The following SEMA6D variants were observed in gnomAD, a reference collection of about 807,000 sequenced individuals.
SEMA6D encodes the protein semaphorin 6D, also known as semaphorin-6D.
Under a neutral mutation model 106.6 loss-of-function variants are expected in SEMA6D, and 35 were observed. That is an observed-to-expected ratio of 0.33 (90% CI 0.25 to 0.44). SEMA6D has a LOEUF of 0.44. SEMA6D is among the 20% of genes least tolerant of loss of function. The pLI is 1.00. For missense variants in SEMA6D, 1,185 were observed against 1,345.9 expected (o/e 0.88, Z 1.87); for synonymous variants, 499 against 487.7 (o/e 1.02, Z -0.31).
intron 4 of SEMA6D, among the ~76,000 whole-genome samples, chr15:47,659,702 A>G (rs943451243): frequency 3.3e-5 from 5 of 152,086 alleles, no homozygotes; most frequent in Non-Finnish European, 7.4e-5. Context: ...TCCTTTACAT[A>G]TACAAAGTTC....
intron 1 of SEMA6D, among the ~76,000 whole-genome samples, chr15:47,729,381 T>C (rs1422824887): frequency 6.7e-6 from 1 of 150,166 alleles, no homozygotes; most frequent in Non-Finnish European, 1.5e-5. Flanking sequence ...CAGGGATCCC[T>C]GAATCCATTT....
At chr15:47,524,786 G>C (rs1375341224) in intron 3 of SEMA6D, among the ~76,000 whole-genome samples, 1 of 152,166 alleles carries the variant, frequency 6.6e-6, no homozygotes, top group Non-Finnish European at 1.5e-5. Context: ...GAAGTACATT[G>C]CTTAATAATT....
intron 2 of SEMA6D, among the ~76,000 whole-genome samples, chr15:47,440,666 C>G (rs531124556): frequency 5.3e-5 from 8 of 151,380 alleles, no homozygotes; most frequent in African/African-American, 1.9e-4. Context: ...AAAAAAAAGA[C>G]GGGTGTTGAA....
chr15:47,475,843 C>G (rs1024739105), intron 3 of SEMA6D, among the ~76,000 whole-genome samples: 2 of 152,180 alleles, frequency 1.3e-5, no homozygotes, highest in African/African-American at 4.8e-5. Context: ...CAATTTCCCC[C>G]CTTTCTAACA....
chr15:47,316,747 C>T (rs2036698472), intron 1 of SEMA6D, among the ~76,000 whole-genome samples: 1 of 151,774 alleles, frequency 6.6e-6, no homozygotes, highest in South Asian at 2.1e-4. Context: ...GAAATTGGAC[C>T]AACCTTGCAT....
rs78940550 is a variant in SEMA6D at position 47,748,303 on chromosome 15, C to T, written c.-54-11442C>T. Among the ~76,000 whole-genome samples the T allele has an allele frequency of 7.2e-3, 1,097 of 152,320 alleles. 17 individuals are homozygous for T. The highest frequency in any genetic ancestry group is 0.024 in the African/African-American group (1,014 of 41,572). ...TTTTGATGTGGCCTGTGTGCCACAG[C>T]GAAGTCCTGTCAGTGTTCTACCTTC... On this transcript the variant is annotated intron_variant, in intron 1 of 18. Transcript: ENST00000536845.
intron 4 of SEMA6D, among the ~76,000 whole-genome samples, chr15:47,642,979 A>G (rs972771533): frequency 4.6e-5 from 7 of 152,212 alleles, no homozygotes; most frequent in Admixed American, 1.3e-4. Flanking sequence ...AGATAGATAT[A>G]CAGACAGAGA....
chr15:47,279,038 C>G (rs961160268), intron 1 of SEMA6D, among the ~76,000 whole-genome samples: 2 of 115,146 alleles, frequency 1.7e-5, no homozygotes, highest in African/African-American at 7.0e-5. Flanking sequence ...AGTTTGAAGT[C>G]AGGTAGTGTG....
intron 1 of SEMA6D, among the ~76,000 whole-genome samples, chr15:47,303,974 A>G (rs1020886162): frequency 6.6e-6 from 1 of 152,156 alleles, no homozygotes. Context: ...GTCAGAACAC[A>G]CGGATAACTA....
At chr15:47,452,392 G>A (rs1020347125) in intron 2 of SEMA6D, among the ~76,000 whole-genome samples, 2 of 150,132 alleles carry the variant, frequency 1.3e-5, no homozygotes, top group African/African-American at 4.9e-5. Flanking sequence ...CTTAGCATCT[G>A]TGTAATCTGG....
chr15:47,697,806 T>G (rs1365004527), intron 4 of SEMA6D, among the ~76,000 whole-genome samples: 1 of 152,220 alleles, frequency 6.6e-6, no homozygotes, highest in African/African-American at 2.4e-5. Flanking sequence ...GGCGAAGGGC[T>G]TATAGCATCC....
intron 1 of SEMA6D, among the ~76,000 whole-genome samples, chr15:47,218,607 G>A (rs145891365): frequency 1.7e-3 from 256 of 152,204 alleles, no homozygotes; most frequent in African/African-American, 5.9e-3. Context: ...GCCTTCAAAG[G>A]GTGTGATTGA....
intron 1 of SEMA6D, among the ~76,000 whole-genome samples, chr15:47,357,256 C>A (rs761104712): frequency 5.3e-5 from 8 of 151,986 alleles, no homozygotes; most frequent in Non-Finnish European, 1.2e-4. Flanking sequence ...ATGGCATGAA[C>A]CTGGGGGGCG....
chr15:47,583,136 ATATCTCAAGGATGGCCC>A (rs1420988406), intron 3 of SEMA6D, among the ~76,000 whole-genome samples: 2 of 152,126 alleles, frequency 1.3e-5, no homozygotes, highest in Non-Finnish European at 2.9e-5. Context: ...CTTTGGCCAT[ATATCTCAAGGATGGCCC>A]TAAGTCCACT....
chr15:47,271,717 G>A (rs1432146126), intron 1 of SEMA6D, among the ~76,000 whole-genome samples: 1 of 152,084 alleles, frequency 6.6e-6, no homozygotes, highest in Non-Finnish European at 1.5e-5. Flanking sequence ...TTTTAAAAAG[G>A]TATGGCAGAA....
intron 1 of SEMA6D, among the ~76,000 whole-genome samples, chr15:47,339,689 T>C (rs1460951836): frequency 6.6e-6 from 1 of 152,024 alleles, no homozygotes; most frequent in Non-Finnish European, 1.5e-5. Flanking sequence ...TGAAACCCCG[T>C]CTTCATTAAA....
At chr15:47,480,781 C>T (rs2043133814) in intron 3 of SEMA6D, among the ~76,000 whole-genome samples, 1 of 152,160 alleles carries the variant, frequency 6.6e-6, no homozygotes, top group Admixed American at 6.5e-5. Context: ...CATCTTAATT[C>T]TCTTTGTATC....
intron 1 of SEMA6D, among the ~76,000 whole-genome samples, chr15:47,247,108 C>T (rs1298059086): frequency 1.3e-5 from 2 of 152,106 alleles, no homozygotes; most frequent in East Asian, 3.9e-4. Context: ...AAAAACTACA[C>T]TAGAAATATA....
At chr15:47,597,468 G>C (rs746148371) in intron 3 of SEMA6D, among the ~76,000 whole-genome samples, 1 of 151,952 alleles carries the variant, frequency 6.6e-6, no homozygotes, top group Non-Finnish European at 1.5e-5. Flanking sequence ...AATAACTTAA[G>C]TATCAACCCA....
Sources: allele counts gnomAD v4.1 joint callset (sites outside exome capture counted in the v4.1 genomes callset), GRCh38; gene constraint gnomAD v4.1.1; transcripts MANE v1.5; gene names NCBI Gene and HGNC (gene_info 2026-07-23, HGNC 2026-07-21).